The following MELTF variants were observed in gnomAD, a reference collection of about 807,000 sequenced individuals.
MELTF encodes the protein melanotransferrin, also known as antigen p97 (melanoma associated) identified by monoclonal antibodies 133.2 and 96.5.
A neutral mutation model predicts 83.7 loss-of-function variants in MELTF; 67 were observed. The ratio of observed to expected loss-of-function variants is 0.80; its 90% CI spans 0.66 to 0.98. MELTF has a LOEUF of 0.98. Ranked by LOEUF, MELTF falls within the 50% of genes least tolerant of loss-of-function variation. The pLI is 0.00. For missense variants in MELTF, 1,002 were observed against 1,035.6 expected, an observed-to-expected ratio of 0.97 and a Z score of 0.44; for synonymous variants, 462 against 447.6, an observed-to-expected ratio of 1.03 and a Z score of -0.41.
chr3:197,026,757 G>A lies in MELTF; in HGVS notation c.207C>T (p.Ala69=), dbSNP rs759463305. The stretch of plus-strand genomic sequence containing the variant: ...CCAGAGTGATGGCGTCAGCCTCCTG[G>A]GCCTGCAAGGAAATGTGGCTCAGCC... ...SADHCVQLIA[A]QEADAITLDG... The change falls in exon 3 of 16, where the codon GCC becomes GCT. Residue 69 remains alanine (A), a splice_region_variant and synonymous_variant. Transcript: ENST00000296350. The A allele has an allele frequency of 6.2e-7, 1 of 1,611,682 alleles. No homozygotes were observed. Among genetic ancestry groups the A allele is most frequent in the Admixed American group, 1.7e-5 (1 of 60,032 alleles).
intron 14 of MELTF, chr3:197,004,736 G>A (rs967963503): frequency 6.5e-6 from 1 of 154,344 alleles, no homozygotes; most frequent in African/African-American, 2.4e-5. Context: ...GACATCTGGA[G>A]AACATGCATG....
Position 197,003,759 on chromosome 3 carries a change from C to T in MELTF, c.2137+142G>A. ...GGCCCGCAGCCTCCTGGCCAAAATC[C>T]TCCCGGGACACCCCACCTGGACTGC... On this transcript the variant is annotated intron_variant, in intron 15 of 15. Transcript: ENST00000296350. This position sits in a 1 kb window ranked among gnomAD's most constrained non-coding sequence, Gnocchi z 6.2. 1.1e-6 allele frequency: 1 copy of T among 934,888 alleles called. No individual in the cohort carries two copies. Among genetic ancestry groups the T allele is most frequent in the Non-Finnish European group, 1.6e-6 (1 of 637,824 alleles). 57.9% of individuals were successfully genotyped at this position (934,888 alleles called of 1,614,324 possible).
intron 6 of MELTF, chr3:197,019,781 T>C: frequency 6.3e-7 from 1 of 1,581,724 alleles, no homozygotes; most frequent in South Asian, 1.1e-5. Flanking sequence ...CTGGTCCATG[T>C]TTGCCTTCGT....
Position 197,006,702 on chromosome 3 carries a change from C to A in MELTF, c.1785G>T (p.Arg595Ser). Residue 595 changes from arginine (R) to serine (S), a missense_variant, in exon 14 of 16, where the codon AGG becomes AGT. Coordinates refer to ENST00000296350, the MANE Select transcript of MELTF (RefSeq NM_005929.6). This position sits in a 1 kb window ranked among gnomAD's most constrained non-coding sequence, Gnocchi z 5.4. ...HNSEPWAAEL[R>S]SEDYELLCPN... ...GGCACAGCAGTTCATAGTCCTCTGA[C>A]CTGAGCTCAGCAGCCCAGGGCTCGG... 1 of 1,566,832 alleles carries A rather than the reference C, an allele frequency of 6.4e-7. No individual in the cohort carries two copies. The highest frequency in any genetic ancestry group is 8.6e-7 in the Non-Finnish European group (1 of 1,158,096).
At chr3:197,015,979 C>T (rs940820234) in intron 8 of MELTF, among the ~76,000 whole-genome samples, 3 of 152,124 alleles carry the variant, frequency 2.0e-5, no homozygotes, top group Non-Finnish European at 4.4e-5. Context: ...TCCCCCGCTG[C>T]GGCCAGGTGG....
In MELTF at chr3:197,009,757, G is replaced by T; in HGVS notation, c.1386C>A (p.Ser462=). ...GAAGCTCATCCAAGGTGAAGGCGTG[G>T]GAGCTGTCCCGTCTCACCACGGCCA... is the stretch of plus-strand genomic sequence containing the variant. ...YVVAVVRRDS[S]HAFTLDELRG... The change falls in exon 11 of 16, where the codon TCC becomes TCA. Residue 462 remains serine, a synonymous_variant. Coordinates refer to ENST00000296350, the MANE Select transcript of MELTF (RefSeq NM_005929.6). The T allele has an allele frequency of 6.2e-7, 1 of 1,613,546 alleles. No individual in the cohort carries two copies.
At chr3:197,009,838 G>C (rs765261967) in intron 10 of MELTF, 26 bp from the exon 11 acceptor site, 1 of 1,597,796 alleles carries the variant, frequency 6.3e-7, no homozygotes. Context: ...CTCACGTGAG[G>C]GGCCCCTCAT....
At position 197,011,675 on chromosome 3, in the gene MELTF, G is replaced by A. The variant is rs1420535323; in HGVS notation, c.1234-881C>T. ...ACCTCCCCCTTCCTATTGTGCTGTC[G>A]GGCAGGACACAGACCCTGCACCACA... On this transcript the variant is annotated intron_variant, in intron 9 of 15. Transcript: ENST00000296350. This position sits in a 1 kb window ranked among gnomAD's most constrained non-coding sequence, Gnocchi z 4.2. Among the ~76,000 whole-genome samples the A allele has an allele frequency of 1.3e-5, 2 of 152,120 alleles. No homozygotes were observed. The highest frequency in any genetic ancestry group is 4.8e-5 in the African/African-American group (2 of 41,430).
Position 197,017,464 on chromosome 3 carries a change from C to A in MELTF, c.713-174G>T, listed in dbSNP as rs114090272. ...ACCCAACTCCAGGTACCTACACAGA[C>A]TCTATCTCGTTACTCTCATTTTCTA... is the stretch of plus-strand genomic sequence containing the variant. On this transcript the variant is annotated intron_variant, in intron 6 of 15. Coordinates refer to ENST00000296350, the MANE Select transcript of MELTF (RefSeq NM_005929.6). Among the ~76,000 whole-genome samples the A allele has an allele frequency of 2.1e-3, 318 of 151,614 alleles. 1 individual carries two copies. Among genetic ancestry groups the A allele is most frequent in the African/African-American group, 7.6e-3 (309 of 40,898 alleles).
chr3:197,016,300 G>A lies in MELTF; in HGVS notation c.970C>T (p.Leu324Phe), dbSNP rs1015191379. The change falls in exon 8 of 16, where the codon CTC becomes TTC. Residue 324 changes from leucine (L) to phenylalanine (F), a missense_variant. By Grantham distance (22) the Leu-to-Phe change is conservative (BLOSUM62 0). Transcript: ENST00000296350. ...AGCTCCGAGGTAGAGTCTTTGAAGAGTAGATCCTTCTGGCCATAGGCCTCA... is the reference window on the plus strand; with the variant it reads ...AGCTCCGAGGTAGAGTCTTTGAAGAATAGATCCTTCTGGCCATAGGCCTCA... ...SSEAYGQKDL[L>F]FKDSTSELVP... 2 of 1,612,994 alleles carry A rather than the reference G, an allele frequency of 1.2e-6. No individual in the cohort carries two copies. Among genetic ancestry groups the A allele is most frequent in the East Asian group, 2.2e-5 (1 of 44,834 alleles).
At chr3:197,019,937 A>G (rs1577940664) in intron 6 of MELTF, 1 of 1,294,398 alleles carries the variant, frequency 7.7e-7, no homozygotes, top group Non-Finnish European at 1.0e-6. Context: ...AGGTGCGGGG[A>G]GATAACTAGC....
rs1356073718 is a variant in MELTF, at chr3:197,002,525, T to C, written c.*847A>G. 6.6e-6 allele frequency: 1 copy of C among 152,108 alleles called. No individual in the cohort carries two copies. The highest frequency in any genetic ancestry group is 1.5e-5 in the Non-Finnish European group (1 of 68,024). The allele number at this position is 152,108 out of a possible 1,614,324, so 9.4% of individuals were successfully genotyped here. ...CACCCCCGTTCGGAACCCAGAAGCA[T>C]GGCGGGTCCCCACGCGCAGCCCTTC... On this transcript the variant is annotated 3_prime_UTR_variant, in exon 16 of 16. Coordinates refer to ENST00000296350, the MANE Select transcript of MELTF (RefSeq NM_005929.6).
intron 2 of MELTF, chr3:197,027,167 G>C (rs551710845): frequency 9.2e-6 from 2 of 218,160 alleles, no homozygotes; most frequent in East Asian, 2.2e-4. Context: ...CATGGAGCCT[G>C]ACCCACAGCC....
intron 2 of MELTF, among the ~76,000 whole-genome samples, chr3:197,027,499 G>A (rs1024487964): frequency 4.4e-4 from 67 of 152,372 alleles, no homozygotes; most frequent in Non-Finnish European, 8.7e-4. Flanking sequence ...CCTTGGCAGG[G>A]GCCTTGTGGA....
chr3:197,002,254 C>T lies in MELTF; in HGVS notation c.*1118G>A, dbSNP rs1279350561. On this transcript the variant is annotated 3_prime_UTR_variant, in exon 16 of 16. Coordinates refer to ENST00000296350, the MANE Select transcript of MELTF (RefSeq NM_005929.6). Reference sequence around the variant, plus strand: ...CCCCCGCAGACCGGAATGCAAATGGCTCCGCGCCCACGCGGCTCCCGGTCT... The same window carrying T: ...CCCCCGCAGACCGGAATGCAAATGGTTCCGCGCCCACGCGGCTCCCGGTCT... 6.6e-6 allele frequency: 1 copy of T among 152,248 alleles called. No individual in the cohort carries two copies. Among genetic ancestry groups the T allele is most frequent in the Non-Finnish European group, 1.5e-5 (1 of 68,048 alleles). 9.4% of individuals were successfully genotyped at this position (152,248 alleles called of 1,614,324 possible). A position where few individuals can be genotyped will look rare whatever the true frequency, so the allele number is the denominator to read the frequency against.
At position 197,015,511 on chromosome 3, in the gene MELTF, G is replaced by T; in HGVS notation, c.1087C>A (p.Pro363Thr). 6.2e-7 allele frequency: 1 copy of T among 1,609,974 alleles called. No homozygotes were observed. Among genetic ancestry groups the T allele is most frequent in the Non-Finnish European group, 8.5e-7 (1 of 1,178,214 alleles). ...KGLLCDPNRL[P>T]PYLRWCVLST... The stretch of plus-strand genomic sequence containing the variant: ...AGCACACACCAGCGCAGGTAGGGGG[G>T]CAGCCCTGGGGTGGGGCAAGCAAGC... The change falls in exon 9 of 16, where the codon CCC becomes ACC. Residue 363 changes from proline (P) to threonine (T), a missense_variant. Transcript: ENST00000296350.
At chr3:197,026,847 C>T in intron 2 of MELTF, 88 bp from the exon 3 acceptor site, 2 of 1,117,326 alleles carry the variant, frequency 1.8e-6, no homozygotes, top group Non-Finnish European at 2.6e-6. Context: ...CCTGGGGCCC[C>T]ACCCCAAGCC....
At position 197,008,958 on chromosome 3, in the gene MELTF, G is replaced by A. The variant is rs138348131; in HGVS notation, c.1533C>T (p.Ser511=). Residue 511 remains serine, a synonymous_variant, in exon 12 of 16, where the codon AGC becomes AGT. Transcript: ENST00000296350. The surrounding 1 kb of genome is among the most constrained non-coding windows in gnomAD (Gnocchi z 5.4). Reference sequence around the variant, plus strand: ...GCACGCAGCTGGCATTGAAGAACTCGCTCACTGCTGGGGTGGAGGGAAGGG... The same window carrying A: ...GCACGCAGCTGGCATTGAAGAACTCACTCACTGCTGGGGTGGAGGGAAGGG... The part of the protein sequence containing the change: ...PKDCDVLTAV[S]EFFNASCVPV... The A allele has an allele frequency of 1.0e-4, 162 of 1,613,914 alleles. No individual in the cohort carries two copies. In the African/African-American group the frequency reaches 1.8e-3, roughly 18 times the overall value.
Position 197,023,112 on chromosome 3 carries a change from A to G in MELTF, c.489T>C (p.Ala163=), listed in dbSNP as rs1279634274. The part of the protein sequence containing the change: ...LSVMGCDVLK[A]VSDYFGGSCV... ...AGCTGCCCCCAAAATAGTCGCTGAC[A>G]GCTGTGGGAAGGAGGTAGAGAGGTC... The change falls in exon 5 of 16, where the codon GCT becomes GCC. Residue 163 remains alanine (A), a splice_region_variant and synonymous_variant. Coordinates refer to ENST00000296350, the MANE Select transcript of MELTF (RefSeq NM_005929.6). 3.1e-6 allele frequency: 5 copies of G among 1,613,426 alleles called. No individual in the cohort carries two copies. In the African/African-American group the frequency reaches 6.7e-5, roughly 22 times the overall value.
Sources: gnomAD v4.1 joint callset for allele counts (sites outside exome capture counted in the v4.1 genomes callset) on GRCh38, gnomAD v4.1.1 for gene constraint, Gnocchi (gnomAD v3.1) non-coding constraint, MANE v1.5 for transcripts, NCBI Gene and HGNC (gene_info 2026-07-23, HGNC 2026-07-21) for gene names.